Variants in NPAS2 observed in about 807,000 individuals in gnomAD.
NPAS2 encodes neuronal PAS domain-containing protein 2.
Under a neutral mutation model 107.5 loss-of-function variants are expected in NPAS2, and 23 were observed. The observed-to-expected ratio is 0.21, with a 90% CI of 0.15 to 0.30. The LOEUF (loss-of-function observed/expected upper bound fraction) is 0.30, where lower values mean the gene tolerates loss of function less well. NPAS2 is among the 10% of genes least tolerant of loss of function. The pLI is 1.00. For synonymous variants in NPAS2, 403 were observed against 417.5 expected, an observed-to-expected ratio of 0.97 and a Z score of 0.42; for missense variants, 756 against 1,043.3, an observed-to-expected ratio of 0.72 and a Z score of 3.79.
intron 2 of NPAS2, among the ~76,000 whole-genome samples, chr2:100,906,561 T>C (rs1051845507): frequency 2.8e-4 from 42 of 152,274 alleles, no homozygotes; most frequent in Non-Finnish European, 5.1e-4. Flanking sequence ...TGTATGAATA[T>C]GCAGCACACT....
chr2:100,974,894 C>T lies in NPAS2; in HGVS notation c.1232C>T (p.Ser411Phe). The T allele has an allele frequency of 2.5e-6, 4 of 1,614,074 alleles. No individual in the cohort carries two copies. The highest frequency in any genetic ancestry group is 2.7e-5 in the African/African-American group (2 of 75,026). The part of the protein sequence containing the change: ...GLNTSHSPSA[S>F]SRSSHKSSHT... Reference sequence around the variant, plus strand: ...AATACCAGTCATTCGCCATCGGCGTCCTCAAGAAGTTCCCACAAATCCTCG... The same window carrying T: ...AATACCAGTCATTCGCCATCGGCGTTCTCAAGAAGTTCCCACAAATCCTCG... The change falls in exon 13 of 21, where the codon TCC becomes TTC. Residue 411 changes from serine (S) to phenylalanine (F), a missense_variant. Physicochemically the swap from Ser to Phe is radical, Grantham distance 155. This residue lies in a region of NPAS2 where 496 missense variants were observed against 594.4 expected (regional missense o/e 0.83). Coordinates refer to ENST00000335681, the MANE Select transcript of NPAS2 (RefSeq NM_002518.4).
In NPAS2 at chr2:100,993,420, G is replaced by A. The variant is rs769103203; in HGVS notation, c.2185G>A (p.Val729Ile). The A allele has an allele frequency of 8.0e-5, 129 of 1,613,318 alleles. No individual in the cohort carries two copies. The highest frequency in any genetic ancestry group is 5.8e-4 in the South Asian group (53 of 91,044). The part of the protein sequence containing the change: ...PANSSSAPMP[V>I]LLMGQAVLHP... ...CAACAGCAGCAGCGCCCCGATGCCC[G>A]TCCTGCTGATGGGGCAGGCGGTGCT... Residue 729 changes from valine to isoleucine, a missense_variant, in exon 20 of 21, where the codon GTC (valine) becomes ATC (isoleucine). Coordinates refer to ENST00000335681, the MANE Select transcript of NPAS2 (RefSeq NM_002518.4).
At chr2:100,831,165 T>C (rs1676710229) in intron 1 of NPAS2, among the ~76,000 whole-genome samples, 2 of 152,144 alleles carry the variant, frequency 1.3e-5, no homozygotes, top group African/African-American at 2.4e-5. Flanking sequence ...CCGGGTGTGG[T>C]GATGGCTGTA....
intron 3 of NPAS2, among the ~76,000 whole-genome samples, chr2:100,927,183 C>G (rs1683633227): frequency 6.6e-6 from 1 of 151,994 alleles, no homozygotes; most frequent in South Asian, 2.1e-4. Flanking sequence ...ATTCACCCGC[C>G]CCGGCCTCCC....
intron 12 of NPAS2, among the ~76,000 whole-genome samples, chr2:100,972,227 C>T (rs1362867929): frequency 3.3e-5 from 5 of 152,176 alleles, no homozygotes; most frequent in African/African-American, 4.8e-5. Flanking sequence ...GGATTACAGG[C>T]GTGAGCCACT....
rs542279738 is a variant in NPAS2 at position 100,878,157 on chromosome 2, A to G, written c.-22-26576A>G. 23 of 985,404 alleles carry G rather than the reference A, an allele frequency of 2.3e-5. No individual in the cohort carries two copies. The South Asian group carries it at 5.2e-4, about 22-fold the overall frequency. 61.0% of individuals were successfully genotyped at this position (985,404 alleles called of 1,614,324 possible). ...CAGCCTGTGACAGAAGACAGCCTCC[A>G]GGGACCAGGTCAGTGCGTGTGGCCG... On this transcript the variant is annotated intron_variant, in intron 1 of 20. Transcript: ENST00000335681.
At chr2:100,890,011 G>T (rs1331105774) in intron 1 of NPAS2, among the ~76,000 whole-genome samples, 1 of 152,098 alleles carries the variant, frequency 6.6e-6, no homozygotes, top group Non-Finnish European at 1.5e-5. Context: ...GGTTTTCCTT[G>T]CGTGCACACC....
rs976417887 is a variant in NPAS2 at position 100,995,728 on chromosome 2, T to C, written c.*146T>C. 45 of 1,549,634 alleles carry C rather than the reference T, an allele frequency of 2.9e-5. No homozygotes were observed. Among genetic ancestry groups the C allele is most frequent in the Non-Finnish European group, 3.7e-5 (43 of 1,147,020 alleles). ...TCAGAACTCCTGGATGGTAACCATC[T>C]CTGGAGTGCAGCGCTTGCTGCAGTG... is the stretch of plus-strand genomic sequence containing the variant. On this transcript the variant is annotated 3_prime_UTR_variant, in exon 21 of 21. Coordinates refer to ENST00000335681, the MANE Select transcript of NPAS2 (RefSeq NM_002518.4).
intron 1 of NPAS2, among the ~76,000 whole-genome samples, chr2:100,854,816 A>G (rs958835162): frequency 6.6e-5 from 10 of 152,208 alleles, no homozygotes; most frequent in African/African-American, 2.4e-4. Flanking sequence ...GGTGATACCC[A>G]TTGTTGGTAC....
In NPAS2 at chr2:100,919,000, A is replaced by G. The variant is rs530415721; in HGVS notation, c.33-6146A>G. Among the ~76,000 whole-genome samples, 3 of 152,336 alleles carry G rather than the reference A, an allele frequency of 2.0e-5. No homozygotes were observed. In the South Asian group the frequency reaches 6.2e-4, roughly 32 times the overall value. ...ACTGGAAACAACCCACATTTCCTCAATGGGTGAATGCATAAACCGGCTGTG... is the reference window on the plus strand; with the variant it reads ...ACTGGAAACAACCCACATTTCCTCAGTGGGTGAATGCATAAACCGGCTGTG... On this transcript the variant is annotated intron_variant, in intron 2 of 20. Transcript: ENST00000335681.
intron 1 of NPAS2, among the ~76,000 whole-genome samples, chr2:100,827,881 A>G (rs1428050216): frequency 2.0e-5 from 3 of 152,220 alleles, no homozygotes; most frequent in African/African-American, 7.2e-5. Context: ...ATGTGAATGC[A>G]TATATCTTTT....
At chr2:100,856,905 G>A (rs1221473585) in intron 1 of NPAS2, among the ~76,000 whole-genome samples, 3 of 152,196 alleles carry the variant, frequency 2.0e-5, no homozygotes, top group Non-Finnish European at 4.4e-5. Context: ...ACCTGGGTGA[G>A]GAAGTAGGGC....
chr2:100,886,099 G>A (rs898395099), intron 1 of NPAS2, among the ~76,000 whole-genome samples: 13 of 152,304 alleles, frequency 8.5e-5, no homozygotes, highest in African/African-American at 7.2e-5. Flanking sequence ...AGTTGTGGTC[G>A]CCTGGAAACC....
intron 1 of NPAS2, among the ~76,000 whole-genome samples, chr2:100,867,268 A>G (rs1212281308): frequency 1.3e-5 from 2 of 152,214 alleles, no homozygotes. Context: ...CTTATGAGAT[A>G]TGTCAGAAAT....
rs548215042 is a variant in NPAS2, at chr2:100,826,877, T to C, written c.-23+6463T>C. Among the ~76,000 whole-genome samples, 6 of 152,358 alleles carry C rather than the reference T, an allele frequency of 3.9e-5. No individual in the cohort carries two copies. The East Asian group carries it at 1.2e-3, about 29-fold the overall frequency. On this transcript the variant is annotated intron_variant, in intron 1 of 20. Coordinates refer to ENST00000335681, the MANE Select transcript of NPAS2 (RefSeq NM_002518.4). ...TATTTTCCAGCTTTTAAATCTTTTTTGTGCATTTTCACATGTTTGAGGTAG... is the reference window on the plus strand; with the variant it reads ...TATTTTCCAGCTTTTAAATCTTTTTCGTGCATTTTCACATGTTTGAGGTAG...
chr2:100,843,712 A>G (rs1359783420), intron 1 of NPAS2, among the ~76,000 whole-genome samples: 1 of 152,178 alleles, frequency 6.6e-6, no homozygotes, highest in African/African-American at 2.4e-5. Context: ...AAAAATTTCC[A>G]TTTATCTTAA....
intron 7 of NPAS2, among the ~76,000 whole-genome samples, chr2:100,956,348 AC>A (rs1181511821): frequency 6.6e-6 from 1 of 151,510 alleles, no homozygotes; most frequent in Non-Finnish European, 1.5e-5. Context: ...CTCAGCCTTC[AC>A]CCCCTCCTTC....
chr2:100,951,210 C>A (rs1040048935), intron 7 of NPAS2, among the ~76,000 whole-genome samples: 1 of 152,142 alleles, frequency 6.6e-6, no homozygotes, highest in Non-Finnish European at 1.5e-5. Flanking sequence ...CAATGGCCTT[C>A]CTCCCAGACA....
rs201705535 is a variant in NPAS2, at chr2:100,979,480, CTATATA to C, written c.1482+1699_1482+1704del. 4.4e-3 allele frequency among the ~76,000 whole-genome samples: 286 copies of C among 64,790 alleles called. 5 individuals are homozygous for C. Among genetic ancestry groups the C allele is most frequent in the African/African-American group, 0.017 (210 of 12,600 alleles). The allele number at this position is 64,790 out of a possible 152,430, so 42.5% of individuals were successfully genotyped here. ...TCATGTGTACTATATTTAATAATAA[CTATATA>C]TATATATATATATATATTTTTTTTT... On this transcript the variant is annotated intron_variant, in intron 15 of 20. Coordinates refer to ENST00000335681, the MANE Select transcript of NPAS2 (RefSeq NM_002518.4).
Sources: gnomAD v4.1 joint callset for allele counts (sites outside exome capture counted in the v4.1 genomes callset) on GRCh38, gnomAD v4.1.1 for gene constraint, gnomAD v4.1.1 regional missense constraint, MANE v1.5 for transcripts, NCBI Gene and HGNC (gene_info 2026-07-23, HGNC 2026-07-21) for gene names.